The following HSH2D variants were observed in gnomAD, a reference collection of about 807,000 sequenced individuals.
HSH2D encodes hematopoietic SH2 domain containing.
Under a neutral mutation model 21.5 loss-of-function variants are expected in HSH2D, and 16 were observed. The ratio of observed to expected loss-of-function variants is 0.74; its 90% confidence interval spans 0.50 to 1.13. The LOEUF (loss-of-function observed/expected upper bound fraction) is 1.13, where lower values mean the gene tolerates loss of function less well. HSH2D is among the 50% of genes most tolerant of loss of function. The probability of loss-of-function intolerance (pLI) is 0.00; values close to 1 mark genes in which losing one functional copy is unlikely to be tolerated. For missense variants in HSH2D, 418 were observed against 441.4 expected, an observed-to-expected ratio of 0.95 and a Z score of 0.47; for synonymous variants, 172 against 184.7, an observed-to-expected ratio of 0.93 and a Z score of 0.56.
upstream of HSH2D, among the ~76,000 whole-genome samples, chr19:16,142,513 G>C (rs1398348600): frequency 5.9e-5 from 9 of 152,202 alleles, no homozygotes; most frequent in Non-Finnish European, 1.2e-4. Flanking sequence ...GCCCAGGCTG[G>C]AGTGCAGTGG....
At chr19:16,154,140 G>C (rs1397656785) in intron 4 of HSH2D, among the ~76,000 whole-genome samples, 2 of 151,530 alleles carry the variant, frequency 1.3e-5, no homozygotes, top group Admixed American at 6.6e-5. Context: ...TCTTTCCTTA[G>C]AAGGCTCAGT....
At chr19:16,153,255 AG>A (rs546242553) in intron 4 of HSH2D, 47 bp downstream of exon 4, 4 of 1,452,018 alleles carry the variant, frequency 2.8e-6, no homozygotes, top group Non-Finnish European at 2.7e-6. Context: ...CTTGGGGCCA[AG>A]CCCCCCAGAC....
At position 16,146,735 on chromosome 19, in the gene HSH2D, T is replaced by C. The variant is rs1237023105; in HGVS notation, c.-27-1989T>C. Among the ~76,000 whole-genome samples the C allele has an allele frequency of 2.0e-5, 3 of 152,098 alleles. No individual in the cohort carries two copies. In the East Asian group the frequency reaches 5.8e-4, roughly 29 times the overall value. On this transcript the variant is annotated intron_variant, in intron 1 of 5. Coordinates refer to ENST00000613986, the MANE Select transcript of HSH2D (RefSeq NM_001382417.1). The stretch of plus-strand genomic sequence containing the variant: ...GGGCAACCCTTTTTGACCACCACCG[T>C]TGGGTCAGCTGTTTATTTCGTTCAC...
At position 16,148,844 on chromosome 19, in the gene HSH2D, C is replaced by T; in HGVS notation, c.94C>T (p.Pro32Ser). 1 of 1,613,636 alleles carries T rather than the reference C, an allele frequency of 6.2e-7. No individual in the cohort carries two copies. Among genetic ancestry groups the T allele is most frequent in the Non-Finnish European group, 8.5e-7 (1 of 1,179,778 alleles). Reference sequence around the variant, plus strand: ...GGGCCAGCTGGCCCAAGACGGGGTCCCCGAGTGGTTCCATGGTGCAATCTC... The same window carrying T: ...GGGCCAGCTGGCCCAAGACGGGGTCTCCGAGTGGTTCCATGGTGCAATCTC... ...QMGQLAQDGV[P>S]EWFHGAISRE... is the part of the protein sequence containing the mutation. The change falls in exon 2 of 6, where the codon CCC becomes TCC. Residue 32 changes from proline to serine, a missense_variant. Physicochemically the swap from Pro to Ser is moderately conservative, Grantham distance 74 (BLOSUM62 -1). Coordinates refer to ENST00000613986, the MANE Select transcript of HSH2D (RefSeq NM_001382417.1).
At chr19:16,140,655 T>C (rs1324699401), upstream of HSH2D, among the ~76,000 whole-genome samples, 1 of 151,096 alleles carries the variant, frequency 6.6e-6, no homozygotes, top group East Asian at 1.9e-4. Flanking sequence ...CCTAACACTT[T>C]GGGAGGCTGA....
chr19:16,151,533 G>A (rs1484275681), intron 2 of HSH2D: 1 of 455,958 alleles, frequency 2.2e-6, no homozygotes, highest in Non-Finnish European at 4.4e-6. Flanking sequence ...CACAGCTGAT[G>A]GACAGTAGAG....
upstream of HSH2D, chr19:16,139,769 C>T (rs1028465406): frequency 6.6e-6 from 1 of 152,232 alleles, no homozygotes; most frequent in African/African-American, 2.4e-5. Flanking sequence ...CCAGATCTGT[C>T]TCCCTGGAGA....
At chr19:16,136,288 C>A (rs984171329) in intron 1 of HSH2D, among the ~76,000 whole-genome samples, 1 of 152,146 alleles carries the variant, frequency 6.6e-6, no homozygotes, top group African/African-American at 2.4e-5. Flanking sequence ...TCCAAAACTG[C>A]AAAATTCGGA....
intron 5 of HSH2D, chr19:16,154,988 C>A (rs955355369): frequency 2.0e-5 from 3 of 153,624 alleles, no homozygotes; most frequent in Admixed American, 1.9e-4. Context: ...CCCTGGCTGC[C>A]TTTCCAGTCA....
rs574904546 is a variant in HSH2D at position 16,157,727 on chromosome 19, A to G, written c.992A>G (p.Glu331Gly). The G allele has an allele frequency of 1.2e-6, 2 of 1,613,156 alleles. No homozygotes were observed. Among genetic ancestry groups the G allele is most frequent in the Admixed American group, 1.7e-5 (1 of 59,924 alleles). ...ESKPEHQGLA[E>G]PENDQLPEEY... The stretch of plus-strand genomic sequence containing the variant: ...AAGCCAGAGCACCAGGGCTTGGCAG[A>G]GCCTGAGAACGACCAGCTCCCGGAG... The change falls in exon 6 of 6, where the codon GAG becomes GGG. Residue 331 changes from glutamate (E) to glycine (G), a missense_variant. By Grantham distance (98) the Glu-to-Gly change is moderately conservative (BLOSUM62 -2). Coordinates refer to ENST00000613986, the MANE Select transcript of HSH2D (RefSeq NM_001382417.1). This position sits in a 1 kb window ranked among gnomAD's most constrained non-coding sequence, Gnocchi z 4.4.
chr19:16,150,680 C>T (rs2091135825), intron 2 of HSH2D, among the ~76,000 whole-genome samples: 1 of 129,846 alleles, frequency 7.7e-6, no homozygotes, highest in Admixed American at 8.5e-5. Flanking sequence ...AGCAAGATTC[C>T]AGCTCAAAAA....
intron 1 of HSH2D, among the ~76,000 whole-genome samples, chr19:16,136,050 A>C (rs2090961750): frequency 6.6e-6 from 1 of 152,136 alleles, no homozygotes; most frequent in Non-Finnish European, 1.5e-5. Context: ...GGGAACCCCC[A>C]GCCACAAACT....
At chr19:16,142,763 G>A (rs1489801498), upstream of HSH2D, among the ~76,000 whole-genome samples, 1 of 141,126 alleles carries the variant, frequency 7.1e-6, no homozygotes, top group Non-Finnish European at 1.6e-5. Flanking sequence ...GCACCCAGCT[G>A]GTGTTTTTTT....
rs187092563 is a variant in HSH2D, at chr19:16,155,057, A to G, written c.474+566A>G. ...TGGCTTGTTTGCCTTTGCTTCTCCC[A>G]CCCCTCTGAAAGGACCTGCCATATT... On this transcript the variant is annotated intron_variant, in intron 5 of 5. Transcript: ENST00000613986. Among the ~76,000 whole-genome samples, 152 of 150,962 alleles carry G rather than the reference A, an allele frequency of 1.0e-3. 1 individual carries two copies. The highest frequency in any genetic ancestry group is 3.5e-3 in the African/African-American group (146 of 41,300).
intron 1 of HSH2D, among the ~76,000 whole-genome samples, chr19:16,147,638 TG>T (rs1368009310): frequency 6.6e-6 from 1 of 151,008 alleles, no homozygotes; most frequent in Admixed American, 6.6e-5. Flanking sequence ...GTTTTTTTTT[TG>T]TTTTGTTTTG....
intron 1 of HSH2D, among the ~76,000 whole-genome samples, chr19:16,145,036 GGTT>G (rs1198400346): frequency 3.6e-5 from 5 of 137,600 alleles, no homozygotes; most frequent in African/African-American, 1.2e-4. Context: ...TTTTTTTTGG[GGTT>G]TTTTTTTTTT....
intron 1 of HSH2D, among the ~76,000 whole-genome samples, chr19:16,145,432 C>G (rs2047920059): frequency 6.6e-6 from 1 of 152,106 alleles, no homozygotes; most frequent in Non-Finnish European, 1.5e-5. Context: ...AGGCTGGTCT[C>G]AAACTCCCAG....
chr19:16,140,690 C>T (rs2090994215), upstream of HSH2D, among the ~76,000 whole-genome samples: 1 of 151,816 alleles, frequency 6.6e-6, no homozygotes, highest in African/African-American at 2.4e-5. Flanking sequence ...TTGAACGAGA[C>T]CAACCTGGCA....
At chr19:16,140,529 C>T (rs181052516), upstream of HSH2D, among the ~76,000 whole-genome samples, 44 of 151,956 alleles carry the variant, frequency 2.9e-4, no homozygotes, top group African/African-American at 1.1e-3. Flanking sequence ...CGCTTGAACC[C>T]GGGAGGTGGA....
Sources: gnomAD v4.1 joint callset for allele counts (sites outside exome capture counted in the v4.1 genomes callset) on GRCh38, gnomAD v4.1.1 for gene constraint, Gnocchi (gnomAD v3.1) non-coding constraint, MANE v1.5 for transcripts, NCBI Gene and HGNC (gene_info 2026-07-23, HGNC 2026-07-21) for gene names.